Variants in AFTPH observed in about 807,000 individuals in gnomAD.
The protein encoded by AFTPH is aftiphilin.
In AFTPH, 7 loss-of-function variants were observed where a neutral mutation model predicts 72.5. The ratio of observed to expected loss-of-function variants is 0.10; its 90% CI spans 0.05 to 0.18. The LOEUF is 0.18. AFTPH is among the 10% of genes least tolerant of loss of function. The pLI is 1.00. For synonymous variants in AFTPH, 337 were observed against 370.1 expected, an observed-to-expected ratio of 0.91 and a Z score of 1.03; for missense variants, 979 against 1,060.5, an observed-to-expected ratio of 0.92 and a Z score of 1.07.
At chr2:64,580,119 G>A (rs751628951) in intron 7 of AFTPH, 7 of 152,552 alleles carry the variant, frequency 4.6e-5, no homozygotes, top group Non-Finnish European at 8.8e-5. Flanking sequence ...TTCACTTATG[G>A]CTTTAAAAGA....
rs150198863 is a variant in AFTPH, at chr2:64,552,248, A to T, written c.774A>T (p.Ala258=). ...GTGCAGTTTTAAATGATAGAGAAGC[A>T]CTAACCATTCGGGAAAACAATAAAA... The change falls in exon 2 of 9, where the codon GCA becomes GCT. Residue 258 remains alanine (A), a synonymous_variant. Coordinates refer to ENST00000238856, the Ensembl canonical transcript of AFTPH. The T allele has an allele frequency of 2.0e-5, 33 of 1,614,044 alleles. No individual in the cohort carries two copies. In the East Asian group the frequency reaches 7.4e-4, roughly 36 times the overall value.
At chr2:64,563,217 G>A (rs1572999056) in intron 2 of AFTPH, among the ~76,000 whole-genome samples, 2 of 152,204 alleles carry the variant, frequency 1.3e-5, no homozygotes, top group African/African-American at 4.8e-5. Flanking sequence ...GAGTTTTGAT[G>A]TGATACTGAA....
At chr2:64,559,937 C>T (rs1671617853) in intron 2 of AFTPH, among the ~76,000 whole-genome samples, 1 of 152,098 alleles carries the variant, frequency 6.6e-6, no homozygotes, top group African/African-American at 2.4e-5. Flanking sequence ...CTCCTGGGCT[C>T]AAGCAATCTG....
At chr2:64,585,357 G>C (rs1673443346) in intron 7 of AFTPH, 65 bp from the exon 9 acceptor site, 1 of 1,591,120 alleles carries the variant, frequency 6.3e-7, no homozygotes. Flanking sequence ...TTTGCATCTT[G>C]GATTGTGGCT....
At chr2:64,524,636 C>T (rs1669133663) in intron 1 of AFTPH, 24 bp downstream of exon 1, 2 of 397,312 alleles carry the variant, frequency 5.0e-6, no homozygotes, top group Non-Finnish European at 8.9e-6. Flanking sequence ...CTCCGCTCCC[C>T]TAGCTGCGCC....
exon 2 of AFTPH, chr2:64,552,640 A>C (rs754922704): frequency 6.2e-7 from 1 of 1,614,212 alleles, no homozygotes; most frequent in East Asian, 2.2e-5. Flanking sequence ...GAAAGTAGAA[A>C]GTTTACTAAT....
chr2:64,548,192 G>A (rs1670770293), intron 1 of AFTPH, among the ~76,000 whole-genome samples: 1 of 145,568 alleles, frequency 6.9e-6, no homozygotes, highest in South Asian at 2.1e-4. Context: ...AGGAGATCGA[G>A]ACCATCCTGG....
chr2:64,569,148 G>A, exon 4 of AFTPH: 1 of 1,614,140 alleles, frequency 6.2e-7, no homozygotes, highest in African/African-American at 1.3e-5. Context: ...CATGGCTTGA[G>A]ATACCAGTGG....
At chr2:64,551,308 C>A (rs11903922) in intron 1 of AFTPH, 135 bp from the exon 2 acceptor site, 36,188 of 664,662 alleles carry the variant, frequency 0.054, 5,089 homozygotes, top group African/African-American at 0.36. Flanking sequence ...TCATGCAGGA[C>A]ATGGTCAAGG....
chr2:64,549,428 C>G (rs1405279505), intron 1 of AFTPH, among the ~76,000 whole-genome samples: 1 of 141,482 alleles, frequency 7.1e-6, no homozygotes, highest in African/African-American at 2.5e-5. Context: ...TCAAGTGATT[C>G]TCCTGCCTCA....
intron 1 of AFTPH, among the ~76,000 whole-genome samples, chr2:64,547,269 A>G (rs1220448994): frequency 6.6e-6 from 1 of 152,042 alleles, no homozygotes; most frequent in African/African-American, 2.4e-5. Context: ...TCTTTCCTTG[A>G]CTTTCATGAG....
intron 1 of AFTPH, among the ~76,000 whole-genome samples, chr2:64,549,024 C>T (rs1208006337): frequency 6.6e-6 from 1 of 152,200 alleles, no homozygotes; most frequent in Non-Finnish European, 1.5e-5. Flanking sequence ...AAGCCATTCT[C>T]CACTAAGCAG....
rs574407611 is a variant in AFTPH, at chr2:64,540,588, T to C, written c.-32-10855T>C. ...CTTCTCTCAAATAACTCATTGCTGT[T>C]TAACAAGGTAAGTAGCACTTGAAAA... is the stretch of plus-strand genomic sequence containing the variant. On this transcript the variant is annotated intron_variant, in intron 1 of 8. Transcript: ENST00000238856. Among the ~76,000 whole-genome samples, 6 of 152,292 alleles carry C rather than the reference T, an allele frequency of 3.9e-5. No individual in the cohort carries two copies. In the East Asian group the frequency reaches 1.2e-3, roughly 29 times the overall value.
intron 2 of AFTPH, among the ~76,000 whole-genome samples, chr2:64,566,154 G>C (rs780435083): frequency 5.3e-5 from 8 of 152,112 alleles, no homozygotes; most frequent in East Asian, 1.9e-4. Flanking sequence ...ATGTCTGTCC[G>C]TTCTCTCTGT....
chr2:64,586,023 G>A (rs5023879), intron 8 of AFTPH, among the ~76,000 whole-genome samples: 76,944 of 151,930 alleles, frequency 0.51, 21,677 homozygotes, highest in African/African-American at 0.78. Context: ...TACTTTACCA[G>A]GCTTTCTAGA....
exon 9 of AFTPH, chr2:64,592,791 A>G (rs1228059418): frequency 1.3e-5 from 2 of 152,598 alleles, no homozygotes; most frequent in Non-Finnish European, 2.9e-5. Context: ...AGGATTTTGC[A>G]CAGTGTAAAA....
chr2:64,573,759 G>A (rs957522044), intron 6 of AFTPH, among the ~76,000 whole-genome samples: 1 of 152,116 alleles, frequency 6.6e-6, no homozygotes, highest in African/African-American at 2.4e-5. Context: ...CTGGGTTCAA[G>A]CGATTCTCCT....
chr2:64,534,195 C>T (rs1329919243), intron 1 of AFTPH, among the ~76,000 whole-genome samples: 2 of 152,070 alleles, frequency 1.3e-5, no homozygotes, highest in Non-Finnish European at 2.9e-5. Flanking sequence ...GGAGTATTTG[C>T]AGCTAAAATA....
intron 1 of AFTPH, among the ~76,000 whole-genome samples, chr2:64,533,990 A>G (rs74484801): frequency 0.014 from 2,202 of 152,274 alleles, 52 homozygotes; most frequent in East Asian, 0.064. Context: ...GATTTTTAAT[A>G]TTTTCTTACA....
Sources: allele counts gnomAD v4.1 joint callset (sites outside exome capture counted in the v4.1 genomes callset), GRCh38; gene constraint gnomAD v4.1.1; transcripts MANE v1.5; gene names NCBI Gene and HGNC (gene_info 2026-07-23, HGNC 2026-07-21).